TAFA2: variants seen among roughly 807,000 people sequenced by gnomAD.
TAFA2 encodes the protein chemokine-like protein TAFA-2.
Under a neutral mutation model 18.8 loss-of-function variants are expected in TAFA2, and 7 were observed. That is an observed-to-expected ratio of 0.37 (90% confidence interval 0.21 to 0.70). TAFA2 has a LOEUF of 0.70. TAFA2 is among the 30% of genes least tolerant of loss of function. The probability of loss-of-function intolerance (pLI) is 0.53; values close to 1 mark genes in which losing one functional copy is unlikely to be tolerated. For synonymous variants in TAFA2, 60 were observed against 54.2 expected (o/e 1.11, Z -0.47); for missense variants, 122 against 158.1 (o/e 0.77, Z 1.23).
chr12:62,186,963 TACAC>T (rs2062590484), intron 1 of TAFA2, among the ~76,000 whole-genome samples: 1 of 152,190 alleles, frequency 6.6e-6, no homozygotes, highest in African/African-American at 2.4e-5. Context: ...CCATGTGGTA[TACAC>T]ATTAGAAACA....
chr12:61,888,298 G>A (rs184700652), intron 1 of TAFA2, among the ~76,000 whole-genome samples: 49 of 152,298 alleles, frequency 3.2e-4, no homozygotes, highest in Admixed American at 8.5e-4. Flanking sequence ...ACAATGGTCA[G>A]GAAGATGCTA....
intron 1 of TAFA2, among the ~76,000 whole-genome samples, chr12:61,986,169 T>TC (rs1263801275): frequency 2.9e-5 from 4 of 136,366 alleles, no homozygotes; most frequent in East Asian, 4.4e-4. Flanking sequence ...TTTTTTTTTT[T>TC]TTTTTTTTTT....
chr12:62,037,565 A>T (rs896623800), intron 1 of TAFA2, among the ~76,000 whole-genome samples: 1 of 152,210 alleles, frequency 6.6e-6, no homozygotes, highest in Admixed American at 6.5e-5. Flanking sequence ...CATCAAAATT[A>T]TCTGCATTAC....
intron 1 of TAFA2, among the ~76,000 whole-genome samples, chr12:62,017,910 T>A (rs935637692): frequency 2.6e-5 from 4 of 152,106 alleles, no homozygotes; most frequent in African/African-American, 7.2e-5. Flanking sequence ...TCAGAATGAG[T>A]GGAAACAAAT....
intron 1 of TAFA2, among the ~76,000 whole-genome samples, chr12:61,957,502 G>A (rs946229109): frequency 2.3e-4 from 35 of 152,024 alleles, no homozygotes; most frequent in African/African-American, 8.5e-4. Context: ...AAAGGTGGGG[G>A]ATGAGGAACT....
At chr12:61,901,978 T>C (rs1034582749) in intron 1 of TAFA2, among the ~76,000 whole-genome samples, 2 of 151,938 alleles carry the variant, frequency 1.3e-5, no homozygotes, top group African/African-American at 4.8e-5. Flanking sequence ...CACAGTTTTA[T>C]GACTTTATAG....
chr12:62,122,112 T>C (rs1870223719), intron 1 of TAFA2, among the ~76,000 whole-genome samples: 1 of 152,178 alleles, frequency 6.6e-6, no homozygotes, highest in African/African-American at 2.4e-5. Context: ...GAAAAATAAC[T>C]AATCGGTACT....
intron 2 of TAFA2, among the ~76,000 whole-genome samples, chr12:61,841,722 T>G (rs1003285001): frequency 1.1e-4 from 16 of 152,032 alleles, no homozygotes; most frequent in African/African-American, 3.9e-4. Flanking sequence ...TATTATATAT[T>G]TCAAAATAGA....
intron 1 of TAFA2, among the ~76,000 whole-genome samples, chr12:61,887,091 C>T (rs367719592): frequency 1.3e-5 from 2 of 152,224 alleles, no homozygotes; most frequent in African/African-American, 4.8e-5. Context: ...TGTGGATTAA[C>T]TAGGCAGGCT....
intron 1 of TAFA2, among the ~76,000 whole-genome samples, chr12:62,181,278 C>G (rs1276188408): frequency 6.6e-6 from 1 of 152,136 alleles, no homozygotes; most frequent in Non-Finnish European, 1.5e-5. Flanking sequence ...CAATTTGTAA[C>G]TATGTAACTA....
chr12:62,148,675 A>G (rs1326543542), intron 1 of TAFA2, among the ~76,000 whole-genome samples: 1 of 152,196 alleles, frequency 6.6e-6, no homozygotes, highest in East Asian at 1.9e-4. Flanking sequence ...ATACCTGCAC[A>G]TGTACCCTCT....
intron 1 of TAFA2, among the ~76,000 whole-genome samples, chr12:62,002,583 A>G (rs1880415174): frequency 6.6e-6 from 1 of 152,156 alleles, no homozygotes; most frequent in Non-Finnish European, 1.5e-5. Flanking sequence ...GTCTACTGAT[A>G]CCTGTGTCAT....
chr12:61,731,036 T>C, intron 4 of TAFA2, among the ~76,000 whole-genome samples: 1 of 152,138 alleles, frequency 6.6e-6, no homozygotes, highest in East Asian at 1.9e-4. Flanking sequence ...TTCCATTGAC[T>C]GCCTTCCCCA....
chr12:62,240,965 A>G (rs2062860271), intron 1 of TAFA2, among the ~76,000 whole-genome samples: 1 of 152,170 alleles, frequency 6.6e-6, no homozygotes, highest in African/African-American at 2.4e-5. Flanking sequence ...TCCCAAAACT[A>G]TTCTCCCACC....
At chr12:61,867,009 C>T (rs1231062803) in intron 2 of TAFA2, among the ~76,000 whole-genome samples, 1 of 151,246 alleles carries the variant, frequency 6.6e-6, no homozygotes, top group Non-Finnish European at 1.5e-5. Context: ...CGTATGTATA[C>T]ATGTGTCATG....
intron 1 of TAFA2, among the ~76,000 whole-genome samples, chr12:62,050,653 T>TA (rs1882029061): frequency 6.6e-6 from 1 of 152,116 alleles, no homozygotes; most frequent in Non-Finnish European, 1.5e-5. Flanking sequence ...ACTTATTAGT[T>TA]AAAAACATGA....
chr12:62,123,629 T>C (rs1176687485), intron 1 of TAFA2, among the ~76,000 whole-genome samples: 4 of 151,988 alleles, frequency 2.6e-5, no homozygotes. Context: ...TTGAAGTATA[T>C]ATTAAAATTC....
chr12:61,835,239 T>C (rs998692536), intron 2 of TAFA2, among the ~76,000 whole-genome samples: 2 of 152,070 alleles, frequency 1.3e-5, no homozygotes, highest in African/African-American at 4.8e-5. Flanking sequence ...ATTTGATATA[T>C]GTAGATATAA....
intron 1 of TAFA2, among the ~76,000 whole-genome samples, chr12:62,166,827 C>A (rs1191812865): frequency 6.6e-6 from 1 of 152,164 alleles, no homozygotes; most frequent in Non-Finnish European, 1.5e-5. Context: ...AATCGTGACA[C>A]AGCTTGAAGA....
Sources: allele counts gnomAD v4.1 joint callset (sites outside exome capture counted in the v4.1 genomes callset), GRCh38; gene constraint gnomAD v4.1.1; transcripts MANE v1.5; gene names NCBI Gene and HGNC (gene_info 2026-07-23, HGNC 2026-07-21).